The following PPP3CA variants were observed in gnomAD, a reference collection of about 807,000 sequenced individuals.
The protein encoded by PPP3CA is CAM-PRP catalytic subunit.
In PPP3CA, 14 loss-of-function variants were observed where a neutral mutation model predicts 66.5. The observed-to-expected ratio is 0.21, with a 90% CI of 0.14 to 0.33. The LOEUF is 0.33. Ranked by LOEUF, PPP3CA falls within the 10% of genes least tolerant of loss-of-function variation. PPP3CA has a pLI of 1.00. For missense variants in PPP3CA, 317 were observed against 639.5 expected, an observed-to-expected ratio of 0.50 and a Z score of 5.44; for synonymous variants, 232 against 226.2, an observed-to-expected ratio of 1.03 and a Z score of -0.23.
In PPP3CA at chr4:101,240,147, C is replaced by T. The variant is rs552534408; in HGVS notation, c.59-44031G>A. Among the ~76,000 whole-genome samples the T allele has an allele frequency of 4.3e-4, 66 of 151,946 alleles. No individual in the cohort carries two copies. The South Asian group carries it at 4.8e-3, about 11-fold the overall frequency. ...CTGCACATACTTAGGTTCAGAAATACAGCAGATGAACGCATTTCTAAAAGT... is the reference window on the plus strand; with the variant it reads ...CTGCACATACTTAGGTTCAGAAATATAGCAGATGAACGCATTTCTAAAAGT... On this transcript the variant is annotated intron_variant, in intron 1 of 13. Coordinates refer to ENST00000394854, the MANE Select transcript of PPP3CA (RefSeq NM_000944.5).
chr4:101,345,930 AATGAC>A (rs1196809722), intron 1 of PPP3CA, among the ~76,000 whole-genome samples: 2 of 152,204 alleles, frequency 1.3e-5, no homozygotes, highest in Non-Finnish European at 2.9e-5. Flanking sequence ...CTTTAAGAGC[AATGAC>A]AGGTCGGCGG....
At chr4:101,209,275 A>C (rs1725231432) in intron 1 of PPP3CA, among the ~76,000 whole-genome samples, 1 of 152,236 alleles carries the variant, frequency 6.6e-6, no homozygotes, top group Non-Finnish European at 1.5e-5. Context: ...CTGCCAAGTT[A>C]CATTGCATTT....
Position 101,346,897 on chromosome 4 carries a change from G to GCCA in PPP3CA, c.-102_-101insTGG. On this transcript the variant is annotated 5_prime_UTR_variant, in exon 1 of 14. Transcript: ENST00000394854. The stretch of plus-strand genomic sequence containing the variant: ...ACTCAACGCCGCCGCCGCCGCCGCC[G>GCCA]CCGCCGCGCTGCAAACCGCTCGGCT... 1 of 1,408,650 alleles carries GCCA rather than the reference G, an allele frequency of 7.1e-7. No individual in the cohort carries two copies. Among genetic ancestry groups the GCCA allele is most frequent in the Non-Finnish European group, 9.8e-7 (1 of 1,025,360 alleles). 87.3% of individuals were successfully genotyped at this position (1,408,650 alleles called of 1,614,324 possible).
intron 1 of PPP3CA, among the ~76,000 whole-genome samples, chr4:101,260,838 C>A (rs2110255454): frequency 6.6e-6 from 1 of 152,242 alleles, no homozygotes; most frequent in Non-Finnish European, 1.5e-5. Flanking sequence ...TTGTCACCTA[C>A]TTTCTGGTTA....
At chr4:101,262,668 C>G (rs1024516635) in intron 1 of PPP3CA, among the ~76,000 whole-genome samples, 1 of 152,120 alleles carries the variant, frequency 6.6e-6, no homozygotes, top group Admixed American at 6.6e-5. Flanking sequence ...GACTATGATG[C>G]AGGTCTCCTG....
At chr4:101,194,924 C>T (rs1724737378) in intron 2 of PPP3CA, among the ~76,000 whole-genome samples, 1 of 151,756 alleles carries the variant, frequency 6.6e-6, no homozygotes, top group South Asian at 2.1e-4. Flanking sequence ...CATACTTACA[C>T]AAAATATGTA....
chr4:101,028,661 G>C (rs1726779351), intron 13 of PPP3CA, among the ~76,000 whole-genome samples: 1 of 152,160 alleles, frequency 6.6e-6, no homozygotes, highest in South Asian at 2.1e-4. Context: ...ATATACAGCT[G>C]TCTCATGTTG....
chr4:101,147,120 T>C (rs535336630), intron 2 of PPP3CA, among the ~76,000 whole-genome samples: 2 of 152,336 alleles, frequency 1.3e-5, no homozygotes, highest in South Asian at 4.1e-4. Context: ...GAGCTGGGGC[T>C]TGAACCCAGA....
chr4:101,098,309 C>T, intron 5 of PPP3CA, 58 bp downstream of exon 5: 2 of 1,467,750 alleles, frequency 1.4e-6, no homozygotes, highest in Non-Finnish European at 1.8e-6. Context: ...TAATTAATGT[C>T]TTCTATTTAT....
chr4:101,106,177 T>C (rs1390248654), intron 3 of PPP3CA, among the ~76,000 whole-genome samples: 1 of 151,188 alleles, frequency 6.6e-6, no homozygotes, highest in Admixed American at 6.6e-5. Context: ...AAAAATTAAC[T>C]GGGCATGGTG....
rs181283914 is a variant in PPP3CA, at chr4:101,341,106, C to T, written c.58+5633G>A. Among the ~76,000 whole-genome samples the T allele has an allele frequency of 1.1e-3, 164 of 151,860 alleles. 2 individuals are homozygous for T. Among genetic ancestry groups the T allele is most frequent in the Admixed American group, 0.011 (163 of 15,252 alleles). On this transcript the variant is annotated intron_variant, in intron 1 of 13. Transcript: ENST00000394854. The stretch of plus-strand genomic sequence containing the variant: ...TAAAAAGCTTCCTCTCCTAATCAAA[C>T]TATTTTACATAGTTAATTATTTAGT...
At chr4:101,062,441 C>G (rs750831672) in intron 9 of PPP3CA, among the ~76,000 whole-genome samples, 1 of 151,922 alleles carries the variant, frequency 6.6e-6, no homozygotes. Flanking sequence ...AACATCATTA[C>G]TCTGATACTT....
Position 101,246,816 on chromosome 4 carries a change from CTTAA to C in PPP3CA, c.59-50704_59-50701del, listed in dbSNP as rs1210906791. Among the ~76,000 whole-genome samples, 4 of 151,992 alleles carry C rather than the reference CTTAA, an allele frequency of 2.6e-5. No homozygotes were observed. In the South Asian group the frequency reaches 8.3e-4, roughly 31 times the overall value. ...TTTGTTATTTGTGATTTATAATAGA[CTTAA>C]TTAAAGAGTAGTGCTAATGAGGCAA... On this transcript the variant is annotated intron_variant, in intron 1 of 13. Transcript: ENST00000394854.
chr4:101,102,372 C>T (rs1052513392), intron 3 of PPP3CA, among the ~76,000 whole-genome samples: 1 of 151,860 alleles, frequency 6.6e-6, no homozygotes, highest in African/African-American at 2.4e-5. Flanking sequence ...GAATATAACT[C>T]AATTTCTAAA....
intron 2 of PPP3CA, among the ~76,000 whole-genome samples, chr4:101,120,599 A>ATTTTTTTTTTTTTTTTTTTTTT (rs1721996302): frequency 7.7e-6 from 1 of 129,556 alleles, no homozygotes; most frequent in Non-Finnish European, 1.9e-5. Context: ...TTTTATAATG[A>ATTTTTTTTTTTTTTTTTTTTTT]TGTTTTCACT....
At chr4:101,124,711 AAGAAAGAAAGAAAGAGAAAG>A (rs1722157062) in intron 2 of PPP3CA, among the ~76,000 whole-genome samples, 9 of 97,640 alleles carry the variant, frequency 9.2e-5, no homozygotes, top group African/African-American at 3.6e-4. Flanking sequence ...GAAAGAAAGA[AAGAAAGAAAGAAAGAGAAAG>A]AAAGAAAGAA....
intron 12 of PPP3CA, among the ~76,000 whole-genome samples, chr4:101,030,918 G>A (rs946433949): frequency 3.1e-4 from 47 of 150,834 alleles, no homozygotes; most frequent in African/African-American, 1.1e-3. Flanking sequence ...TTATGCTAAT[G>A]TTTTAGTAAG....
At chr4:101,346,071 C>T (rs994798111) in intron 1 of PPP3CA, among the ~76,000 whole-genome samples, 9 of 152,012 alleles carry the variant, frequency 5.9e-5, no homozygotes, top group African/African-American at 1.7e-4. Context: ...TCCCGCGCCC[C>T]CCGCGGCCAC....
intron 10 of PPP3CA, 96 bp downstream of exon 10, chr4:101,060,991 T>C: frequency 9.5e-7 from 1 of 1,048,586 alleles, no homozygotes; most frequent in Non-Finnish European, 1.5e-6. Context: ...GTTTTAAACA[T>C]AATCCAAATC....
Sources: gnomAD v4.1 joint callset for allele counts (sites outside exome capture counted in the v4.1 genomes callset) on GRCh38, gnomAD v4.1.1 for gene constraint, MANE v1.5 for transcripts, NCBI Gene and HGNC (gene_info 2026-07-23, HGNC 2026-07-21) for gene names.